The following GSDME variants were observed in gnomAD, a reference collection of about 807,000 sequenced individuals.
GSDME encodes the protein gasdermin-E.
Under a neutral mutation model 47.5 loss-of-function variants are expected in GSDME, and 44 were observed. The observed-to-expected ratio is 0.93, with a 90% CI of 0.73 to 1.19. The LOEUF (loss-of-function observed/expected upper bound fraction) is 1.19. Ranked by LOEUF, GSDME falls within the 50% of genes most tolerant of loss-of-function variation. The pLI is 0.00. For synonymous variants in GSDME, 258 were observed against 252.8 expected (o/e 1.02, Z -0.20); for missense variants, 663 against 604.2 (o/e 1.10, Z -1.02).
intron 3 of GSDME, among the ~76,000 whole-genome samples, chr7:24,722,903 C>T (rs376062598): frequency 2.8e-4 from 42 of 152,290 alleles, no homozygotes; most frequent in East Asian, 2.3e-3. Flanking sequence ...CTCTGTGGGG[C>T]GGACCCACCA....
chr7:24,749,547 T>C lies in GSDME; in HGVS notation c.211+17A>G, dbSNP rs1054887275. The C allele has an allele frequency of 4.6e-6, 7 of 1,533,766 alleles. No individual in the cohort carries two copies. The highest frequency in any genetic ancestry group is 4.5e-6 in the Non-Finnish European group (5 of 1,110,912). The stretch of plus-strand genomic sequence containing the variant: ...CCTTTCCGAGACTAATTATAGAATA[T>C]ACCCAAGGAAACATACCTGGACTCG... On this transcript the variant is annotated intron_variant, in intron 2 of 9. Coordinates refer to ENST00000645220, the MANE Select transcript of GSDME (RefSeq NM_001127453.2).
At chr7:24,760,902 C>T (rs899777117), upstream of GSDME, among the ~76,000 whole-genome samples, 1 of 152,184 alleles carries the variant, frequency 6.6e-6, no homozygotes, top group Admixed American at 6.5e-5. This position sits in a 1 kb window ranked among gnomAD's most constrained non-coding sequence, Gnocchi z 4.2. Context: ...TATTCAATTG[C>T]AAGGCACGGA....
chr7:24,705,169 G>T lies in GSDME; in HGVS notation c.1183+1015C>A, dbSNP rs1214096960. 2.0e-5 allele frequency: 3 copies of T among 152,204 alleles called. No homozygotes were observed. Among genetic ancestry groups the T allele is most frequent in the Non-Finnish European group, 4.4e-5 (3 of 68,044 alleles). 9.4% of individuals were successfully genotyped at this position (152,204 alleles called of 1,614,324 possible). On this transcript the variant is annotated intron_variant, in intron 8 of 9. Transcript: ENST00000645220. The surrounding 1 kb of genome is among the most constrained non-coding windows in gnomAD (Gnocchi z 4.1). ...CACAAGTCGGAGAACTCTGGCCTGTGTATTAGCTCCTGACAGAATGCCTGT... is the reference window on the plus strand; with the variant it reads ...CACAAGTCGGAGAACTCTGGCCTGTTTATTAGCTCCTGACAGAATGCCTGT...
At chr7:24,791,007 A>G in the GSDME span, among the ~76,000 whole-genome samples, 5 of 152,298 alleles carry the variant, frequency 3.3e-5, no homozygotes, top group East Asian at 9.7e-4. The surrounding 1 kb of genome is among the most constrained non-coding windows in gnomAD (Gnocchi z 4.8). Context: ...TGCATGGACC[A>G]GTCAGCTTCC....
the GSDME span, among the ~76,000 whole-genome samples, chr7:24,790,937 A>G: frequency 6.6e-6 from 1 of 152,202 alleles, no homozygotes; most frequent in South Asian, 2.1e-4. This position sits in a 1 kb window ranked among gnomAD's most constrained non-coding sequence, Gnocchi z 4.1. Flanking sequence ...AGTCCCTACC[A>G]TACAAGTCCA....
chr7:24,744,144 C>T lies in GSDME; in HGVS notation c.404+418G>A, dbSNP rs886209277. On this transcript the variant is annotated intron_variant, in intron 3 of 9. Transcript: ENST00000645220. The surrounding 1 kb of genome is among the most constrained non-coding windows in gnomAD (Gnocchi z 4.5). ...AAGACTTCAAAGACTGAAAAGAGCTCTTATTTTTGAACTTTTTTACGCGCC... is the reference window on the plus strand; with the variant it reads ...AAGACTTCAAAGACTGAAAAGAGCTTTTATTTTTGAACTTTTTTACGCGCC... 5.9e-5 allele frequency: 13 copies of T among 222,136 alleles called. No homozygotes were observed. The highest frequency in any genetic ancestry group is 1.6e-4 in the Admixed American group (3 of 19,020). 13.8% of individuals were successfully genotyped at this position (222,136 alleles called of 1,614,324 possible). A position where few individuals can be genotyped will look rare whatever the true frequency, so the allele number is the denominator to read the frequency against.
the GSDME span, among the ~76,000 whole-genome samples, chr7:24,763,604 T>C: frequency 2.0e-5 from 3 of 152,186 alleles, no homozygotes; most frequent in East Asian, 5.8e-4. This position sits in a 1 kb window ranked among gnomAD's most constrained non-coding sequence, Gnocchi z 4.3. Flanking sequence ...AATTTATGAA[T>C]TGCTTATTTC....
the GSDME span, among the ~76,000 whole-genome samples, chr7:24,775,874 C>CAAAAAA: frequency 9.6e-5 from 3 of 31,392 alleles, no homozygotes; most frequent in Non-Finnish European, 1.6e-4. Context: ...GATTCCATCT[C>CAAAAAA]AAAAAAAAAA....
intron 2 of GSDME, among the ~76,000 whole-genome samples, chr7:24,746,462 A>G (rs1790673046): frequency 6.7e-6 from 1 of 148,598 alleles, no homozygotes; most frequent in Admixed American, 6.9e-5. Flanking sequence ...TATGGAAAGC[A>G]TGTAAGGTAG....
chr7:24,723,120 G>A (rs1049178277), intron 3 of GSDME, among the ~76,000 whole-genome samples: 2 of 151,990 alleles, frequency 1.3e-5, no homozygotes, highest in African/African-American at 4.8e-5. Flanking sequence ...CTGTTTCCCA[G>A]GACAGTGCTG....
At chr7:24,777,731 A>G in the GSDME span, among the ~76,000 whole-genome samples, 1 of 152,096 alleles carries the variant, frequency 6.6e-6, no homozygotes, top group South Asian at 2.1e-4. Context: ...TTGCTTTTTG[A>G]AAAAGTTTAT....
chr7:24,790,709 G>T, the GSDME span, among the ~76,000 whole-genome samples: 7 of 152,168 alleles, frequency 4.6e-5, no homozygotes, highest in Non-Finnish European at 1.0e-4. This position sits in a 1 kb window ranked among gnomAD's most constrained non-coding sequence, Gnocchi z 4.1. Flanking sequence ...TAAACACTGT[G>T]ACCATAGGGG....
At chr7:24,774,511 A>T in the GSDME span, among the ~76,000 whole-genome samples, 1 of 151,274 alleles carries the variant, frequency 6.6e-6, no homozygotes, top group Non-Finnish European at 1.5e-5. Context: ...TTCCTTTTTT[A>T]AAAAAAATTT....
At chr7:24,715,606 C>T (rs1414723947) in intron 5 of GSDME, 1 of 419,454 alleles carries the variant, frequency 2.4e-6, no homozygotes, top group South Asian at 1.8e-5. Context: ...GGTGACCCTA[C>T]TTACCACATA....
Position 24,725,389 on chromosome 7 carries a change from AG to A in GSDME, c.405-6172del, listed in dbSNP as rs1789931569. ...GGTCAAAGAAATGGCCAGAATTTTC[AG>A]GATGCTTTATAAGGGAGCCCTCAGC... On this transcript the variant is annotated intron_variant, in intron 3 of 9. Transcript: ENST00000645220. The surrounding 1 kb of genome is among the most constrained non-coding windows in gnomAD (Gnocchi z 5.1). Among the ~76,000 whole-genome samples, 1 of 152,182 alleles carries A rather than the reference AG, an allele frequency of 6.6e-6. No individual in the cohort carries two copies. Among genetic ancestry groups the A allele is most frequent in the South Asian group, 2.1e-4 (1 of 4,830 alleles).
intron 5 of GSDME, among the ~76,000 whole-genome samples, chr7:24,711,458 T>C (rs1418792055): frequency 6.6e-6 from 1 of 152,054 alleles, no homozygotes; most frequent in African/African-American, 2.4e-5. Flanking sequence ...TTGATCCACC[T>C]ACCTCAGCCT....
the GSDME span, among the ~76,000 whole-genome samples, chr7:24,764,124 A>G: frequency 0.13 from 19,922 of 152,190 alleles, 1,406 homozygotes; most frequent in Middle Eastern, 0.2. The surrounding 1 kb of genome is among the most constrained non-coding windows in gnomAD (Gnocchi z 4.4). Context: ...GGGGAGTATG[A>G]GAATTGTGTA....
intron 2 of GSDME, among the ~76,000 whole-genome samples, chr7:24,746,630 C>T (rs1190562786): frequency 2.0e-5 from 3 of 152,192 alleles, no homozygotes; most frequent in Admixed American, 2.0e-4. Flanking sequence ...ATTACCACTC[C>T]TGGAAACCCT....
chr7:24,699,541 T>C (rs978481394), intron 9 of GSDME, among the ~76,000 whole-genome samples: 8 of 152,176 alleles, frequency 5.3e-5, no homozygotes, highest in African/African-American at 1.9e-4. Context: ...GGTTTCACCG[T>C]GTTGGCCAGG....
Sources: gnomAD v4.1 joint callset for allele counts (sites outside exome capture counted in the v4.1 genomes callset) on GRCh38, gnomAD v4.1.1 for gene constraint, Gnocchi (gnomAD v3.1) non-coding constraint, MANE v1.5 for transcripts, NCBI Gene and HGNC (gene_info 2026-07-23, HGNC 2026-07-21) for gene names.